Variants in TSNARE1 observed in about 807,000 individuals in gnomAD.
TSNARE1 encodes the protein t-SNARE domain containing 1, also known as t-SNARE domain-containing protein 1.
In TSNARE1, 49 loss-of-function variants were observed where a neutral mutation model predicts 62.0. That is an observed-to-expected ratio of 0.79 (90% confidence interval 0.63 to 1.00). TSNARE1 has a LOEUF of 1.00. TSNARE1 is among the 50% of genes least tolerant of loss of function. The pLI is 0.00. For missense variants in TSNARE1, 755 were observed against 700.1 expected (o/e 1.08, Z -0.88); for synonymous variants, 328 against 294.4 (o/e 1.11, Z -1.17).
chr8:142,317,169 A>T (rs1346482555), intron 7 of TSNARE1, among the ~76,000 whole-genome samples: 2 of 151,150 alleles, frequency 1.3e-5, no homozygotes, highest in Non-Finnish European at 2.9e-5. Context: ...CCAGCGGCTC[A>T]CACTGTACGC....
intron 1 of TSNARE1, among the ~76,000 whole-genome samples, chr8:142,375,881 A>G (rs899033438): frequency 2.7e-4 from 41 of 152,088 alleles, no homozygotes; most frequent in Non-Finnish European, 1.5e-5. Flanking sequence ...CAACTGATAG[A>G]GATGTGTGGA....
At chr8:142,222,779 C>T (rs1586765719) in intron 13 of TSNARE1, among the ~76,000 whole-genome samples, 2 of 113,348 alleles carry the variant, frequency 1.8e-5, no homozygotes, top group Admixed American at 1.7e-4. Context: ...CACTCATCCA[C>T]TCACTCACTC....
chr8:142,257,572 C>G (rs77911673), intron 12 of TSNARE1, among the ~76,000 whole-genome samples: 1 of 152,182 alleles, frequency 6.6e-6, no homozygotes, highest in Non-Finnish European at 1.5e-5. Flanking sequence ...CTGGGCAGCT[C>G]CCCTGCCGCT....
At chr8:142,393,266 G>A (rs1200171132) in intron 1 of TSNARE1, among the ~76,000 whole-genome samples, 1 of 152,160 alleles carries the variant, frequency 6.6e-6, no homozygotes, top group Non-Finnish European at 1.5e-5. Flanking sequence ...CCATTTCTAC[G>A]ACTCGCTTCA....
At chr8:142,357,119 G>T (rs985459233) in intron 1 of TSNARE1, among the ~76,000 whole-genome samples, 1 of 152,210 alleles carries the variant, frequency 6.6e-6, no homozygotes, top group Non-Finnish European at 1.5e-5. Flanking sequence ...TCCATCCGAG[G>T]AAGGAGAGTT....
intron 10 of TSNARE1, 151 bp downstream of exon 10, chr8:142,300,335 T>C: frequency 1.3e-6 from 1 of 794,180 alleles, no homozygotes; most frequent in Non-Finnish European, 1.9e-6. Context: ...CAGAGAGAGG[T>C]GGTTAGAATG....
At chr8:142,299,430 T>C (rs1412154177) in intron 10 of TSNARE1, among the ~76,000 whole-genome samples, 1 of 152,194 alleles carries the variant, frequency 6.6e-6, no homozygotes. Context: ...AGCTTCAGAG[T>C]GGGCAGGCCC....
intron 13 of TSNARE1, among the ~76,000 whole-genome samples, chr8:142,223,039 C>CTCATTCACTCATTCACTCACTCACTCAT (rs1554624309): frequency 1.9e-4 from 18 of 92,412 alleles, no homozygotes; most frequent in Non-Finnish European, 4.2e-4. Context: ...CACTCATTCA[C>CTCATTCACTCATTCACTCACTCACTCAT]TCACTCACTC....
intron 11 of TSNARE1, among the ~76,000 whole-genome samples, chr8:142,280,851 T>A (rs1821319373): frequency 6.7e-6 from 1 of 150,218 alleles, no homozygotes; most frequent in East Asian, 2.0e-4. Context: ...GGTAAGGGAG[T>A]GATGGGGCAG....
chr8:142,309,059 AATTT>A (rs764697221), intron 9 of TSNARE1, among the ~76,000 whole-genome samples: 2 of 152,134 alleles, frequency 1.3e-5, no homozygotes, highest in East Asian at 1.9e-4. Context: ...TATTGTAATA[AATTT>A]ATTATATCAG....
chr8:142,316,050 G>A (rs905452524), intron 7 of TSNARE1, among the ~76,000 whole-genome samples: 38 of 152,204 alleles, frequency 2.5e-4, no homozygotes, highest in Admixed American at 2.4e-3. Flanking sequence ...TCTCAGAATC[G>A]CAACCCTCCA....
At chr8:142,314,973 A>G in intron 8 of TSNARE1, 30 bp downstream of exon 8, 1 of 1,610,548 alleles carries the variant, frequency 6.2e-7, no homozygotes, top group Non-Finnish European at 8.5e-7. Flanking sequence ...CCTGGCCTGC[A>G]GACCCCCACT....
chr8:142,230,867 T>TCCAC (rs1034128689), intron 12 of TSNARE1, among the ~76,000 whole-genome samples: 7 of 151,252 alleles, frequency 4.6e-5, no homozygotes, highest in African/African-American at 1.7e-4. Context: ...AATTCATCTA[T>TCCAC]CCATCCATCC....
intron 12 of TSNARE1, among the ~76,000 whole-genome samples, chr8:142,265,055 T>C (rs973688864): frequency 2.0e-5 from 3 of 152,208 alleles, no homozygotes; most frequent in African/African-American, 7.2e-5. Context: ...TTTACTGATT[T>C]GGAAGTTATA....
At chr8:142,360,057 C>A (rs144450272) in intron 1 of TSNARE1, among the ~76,000 whole-genome samples, 1 of 152,210 alleles carries the variant, frequency 6.6e-6, no homozygotes, top group Non-Finnish European at 1.5e-5. Context: ...CTGTGGGGTG[C>A]GGCCTTGAAG....
At chr8:142,307,849 G>C (rs1478636700) in intron 9 of TSNARE1, among the ~76,000 whole-genome samples, 2 of 152,224 alleles carry the variant, frequency 1.3e-5, no homozygotes, top group African/African-American at 4.8e-5. Context: ...AAAGGCATGA[G>C]AGTGCAACCG....
chr8:142,237,376 G>A (rs1033554758), intron 12 of TSNARE1, among the ~76,000 whole-genome samples: 1 of 152,200 alleles, frequency 6.6e-6, no homozygotes, highest in East Asian at 1.9e-4. Flanking sequence ...GCACACGGGC[G>A]GCTCGTGGTT....
rs1828966602 is a variant in TSNARE1 at position 142,318,651 on chromosome 8, A to G, written c.894-17T>C. On this transcript the variant is annotated splice_polypyrimidine_tract_variant and intron_variant, in intron 6 of 13. Transcript: ENST00000524325. Reference sequence around the variant, plus strand: ...GCCGTGTGCCTGGGGGCCGAGAAGGAGCCAGGAGCGAAGGCAGGGGAGGAA... The same window carrying G: ...GCCGTGTGCCTGGGGGCCGAGAAGGGGCCAGGAGCGAAGGCAGGGGAGGAA... 6.2e-7 allele frequency: 1 copy of G among 1,613,134 alleles called. No individual in the cohort carries two copies. The highest frequency in any genetic ancestry group is 1.3e-5 in the African/African-American group (1 of 74,974).
intron 12 of TSNARE1, among the ~76,000 whole-genome samples, chr8:142,260,278 G>T (rs1053286246): frequency 6.6e-6 from 1 of 152,136 alleles, no homozygotes; most frequent in African/African-American, 2.4e-5. Context: ...CTAGCTCAGA[G>T]CCTGAGAGCC....
Sources: gnomAD v4.1 joint callset for allele counts (sites outside exome capture counted in the v4.1 genomes callset) on GRCh38, gnomAD v4.1.1 for gene constraint, MANE v1.5 for transcripts, NCBI Gene and HGNC (gene_info 2026-07-23, HGNC 2026-07-21) for gene names.